The following DCT variants were observed in gnomAD, a reference collection of about 807,000 sequenced individuals.
DCT encodes L-dopachrome tautomerase.
A neutral mutation model predicts 53.0 loss-of-function variants in DCT; 47 were observed. The observed-to-expected ratio is 0.89, with a 90% CI of 0.70 to 1.13. DCT has a LOEUF of 1.13. Among genes scored for constraint, DCT ranks in the 50% most tolerant of loss-of-function variants. DCT has a pLI of 0.00. For missense variants in DCT, 669 were observed against 637.4 expected (o/e 1.05, Z -0.53); for synonymous variants, 244 against 237.0 (o/e 1.03, Z -0.27).
intron 1 of DCT, among the ~76,000 whole-genome samples, chr13:94,478,407 ATG>A (rs1885243087): frequency 6.6e-6 from 1 of 151,844 alleles, no homozygotes; most frequent in African/African-American, 2.4e-5. Flanking sequence ...AACCCGGGAG[ATG>A]GAGGTTGCAG....
chr13:94,537,191 TGCCAGAC>T, the DCT span, among the ~76,000 whole-genome samples: 1 of 152,258 alleles, frequency 6.6e-6, no homozygotes, highest in Non-Finnish European at 1.5e-5. Flanking sequence ...TATCTATTTG[TGCCAGAC>T]TGTTAGTTTC....
chr13:94,464,653 AC>A (rs1241941821), intron 4 of DCT, among the ~76,000 whole-genome samples: 5 of 151,924 alleles, frequency 3.3e-5, no homozygotes, highest in African/African-American at 4.8e-5. Flanking sequence ...AAACAAAAAA[AC>A]AAAAAACAAA....
At chr13:94,523,996 A>G in the DCT span, among the ~76,000 whole-genome samples, 473 of 152,250 alleles carry the variant, frequency 3.1e-3, 2 homozygotes, top group African/African-American at 0.011. Flanking sequence ...TTTGGGAGAG[A>G]AAGAAGAAAA....
the DCT span, among the ~76,000 whole-genome samples, chr13:94,536,372 G>A: frequency 2.0e-5 from 3 of 152,164 alleles, no homozygotes; most frequent in African/African-American, 7.2e-5. Context: ...GACCAACCCA[G>A]TGTAACCTAG....
At chr13:94,494,331 C>T in the DCT span, among the ~76,000 whole-genome samples, 1 of 152,182 alleles carries the variant, frequency 6.6e-6, no homozygotes, top group African/African-American at 2.4e-5. Context: ...AATCTGCATC[C>T]TTTCATCATT....
At chr13:94,503,234 G>T in the DCT span, among the ~76,000 whole-genome samples, 8 of 152,012 alleles carry the variant, frequency 5.3e-5, no homozygotes, top group Non-Finnish European at 8.8e-5. Flanking sequence ...CAAAAAATTA[G>T]CTGGGCATGG....
the DCT span, among the ~76,000 whole-genome samples, chr13:94,490,070 T>C: frequency 1.3e-5 from 2 of 152,252 alleles, no homozygotes; most frequent in Admixed American, 1.3e-4. Flanking sequence ...ATAAACCAGA[T>C]AGGAGCCCTC....
chr13:94,538,726 T>A, the DCT span, among the ~76,000 whole-genome samples: 1 of 152,226 alleles, frequency 6.6e-6, no homozygotes, highest in South Asian at 2.1e-4. Flanking sequence ...TGAAAAAGAA[T>A]GAAGTTGCAT....
At chr13:94,515,895 C>G in the DCT span, among the ~76,000 whole-genome samples, 1 of 152,052 alleles carries the variant, frequency 6.6e-6, no homozygotes, top group Admixed American at 6.5e-5. Flanking sequence ...AGGAAGAGCT[C>G]TGAACTAGAA....
At chr13:94,544,034 CAAA>C in the DCT span, among the ~76,000 whole-genome samples, 12 of 122,060 alleles carry the variant, frequency 9.8e-5, no homozygotes, top group South Asian at 5.2e-4. Flanking sequence ...GACTCTGTCT[CAAA>C]AAAAAAAAAA....
intron 4 of DCT, 57 bp from the exon 5 acceptor site, chr13:94,462,246 G>A (rs574129485): frequency 3.1e-4 from 417 of 1,353,694 alleles, no homozygotes; most frequent in Middle Eastern, 3.6e-4. Flanking sequence ...AGTGGCTCAC[G>A]TCTGTAATCC....
At chr13:94,489,794 G>A in the DCT span, among the ~76,000 whole-genome samples, 1 of 151,574 alleles carries the variant, frequency 6.6e-6, no homozygotes, top group African/African-American at 2.4e-5. Context: ...ATATACACAT[G>A]TCTAAGCATC....
the DCT span, among the ~76,000 whole-genome samples, chr13:94,500,990 G>T: frequency 4.6e-5 from 7 of 152,010 alleles, no homozygotes; most frequent in African/African-American, 1.7e-4. Flanking sequence ...CTAAATAATT[G>T]TTCTTTTATA....
At chr13:94,473,152 T>C (rs1031533592) in intron 1 of DCT, among the ~76,000 whole-genome samples, 2 of 152,208 alleles carry the variant, frequency 1.3e-5, no homozygotes, top group African/African-American at 2.4e-5. Flanking sequence ...TGACTTATGA[T>C]GGTTCAACTT....
At position 94,468,928 on chromosome 13, in the gene DCT, C is replaced by T; in HGVS notation, c.413G>A (p.Arg138Lys). The T allele has an allele frequency of 6.2e-7, 1 of 1,614,186 alleles. No homozygotes were observed. ...QNIHSLSPQE[R>K]EQFLGALDLA... Reference sequence around the variant, plus strand: ...ATCTAAGGCGCCCAAGAACTGCTCTCTTTCCTGAGGACTCAAGGAATGGAT... The same window carrying T: ...ATCTAAGGCGCCCAAGAACTGCTCTTTTTCCTGAGGACTCAAGGAATGGAT... Residue 138 changes from arginine (R) to lysine (K), a missense_variant, in exon 2 of 8, where the codon AGA (arginine) becomes AAA (lysine). Transcript: ENST00000377028.
chr13:94,518,153 GGAAT>G, the DCT span, among the ~76,000 whole-genome samples: 569 of 114,810 alleles, frequency 5.0e-3, 11 homozygotes, highest in African/African-American at 0.015. Context: ...AAGGAAGGAA[GGAAT>G]GAAGGAAGGA....
intron 4 of DCT, 121 bp from the exon 5 acceptor site, chr13:94,462,310 C>T: frequency 1.4e-6 from 1 of 716,600 alleles, no homozygotes; most frequent in Admixed American, 2.5e-5. Flanking sequence ...GAGTTTGAGA[C>T]CAGCTATGGC....
intron 7 of DCT, among the ~76,000 whole-genome samples, chr13:94,440,896 G>T (rs1362529742): frequency 6.6e-6 from 1 of 151,974 alleles, no homozygotes; most frequent in Non-Finnish European, 1.5e-5. Flanking sequence ...GGCCAGGCTG[G>T]TCTGAAACTC....
chr13:94,518,085 G>A, the DCT span, among the ~76,000 whole-genome samples: 1 of 146,964 alleles, frequency 6.8e-6, no homozygotes, highest in Non-Finnish European at 1.5e-5. Flanking sequence ...AAGAAGGAAG[G>A]AAGGAAGGAG....
Sources: allele counts gnomAD v4.1 joint callset (sites outside exome capture counted in the v4.1 genomes callset), GRCh38; gene constraint gnomAD v4.1.1; transcripts MANE v1.5; gene names NCBI Gene and HGNC (gene_info 2026-07-23, HGNC 2026-07-21).